CCDC178: variants seen among roughly 807,000 people sequenced by gnomAD.
CCDC178 encodes coiled-coil domain-containing protein 178.
CCDC178 carries 126 observed loss-of-function variants against 117.4 expected under a neutral mutation model. That is an observed-to-expected ratio of 1.07 (90% CI 0.93 to 1.24). CCDC178 has a LOEUF of 1.24. Among genes scored for constraint, CCDC178 ranks in the 50% most tolerant of loss-of-function variants. The pLI is 0.00. For missense variants in CCDC178, 1,030 were observed against 986.9 expected (o/e 1.04, Z -0.59); for synonymous variants, 283 against 313.4 (o/e 0.90, Z 1.02).
chr18:33,293,031 C>G, intron 12 of CCDC178, 128 bp downstream of exon 12: 2 of 590,672 alleles, frequency 3.4e-6, no homozygotes, highest in Non-Finnish European at 2.9e-6. Context: ...CAATAGAAAA[C>G]TAATACAGGC....
chr18:33,407,581 A>G (rs931436031), intron 3 of CCDC178, among the ~76,000 whole-genome samples: 2 of 152,090 alleles, frequency 1.3e-5, no homozygotes, highest in African/African-American at 4.8e-5. Context: ...AAGAAACAAA[A>G]ACAGTATTAT....
At chr18:32,978,203 A>ATTTTTTTT (rs34863142) in intron 21 of CCDC178, among the ~76,000 whole-genome samples, 6 of 90,022 alleles carry the variant, frequency 6.7e-5, no homozygotes, top group Admixed American at 3.2e-4. Flanking sequence ...CTCAAAAAAG[A>ATTTTTTTT]TTTTTTTTTT....
At chr18:33,288,976 T>C (rs2060134431) in intron 12 of CCDC178, among the ~76,000 whole-genome samples, 1 of 152,168 alleles carries the variant, frequency 6.6e-6, no homozygotes, top group Non-Finnish European at 1.5e-5. Context: ...AGGGCAAATG[T>C]AGAGAAACTC....
intron 21 of CCDC178, among the ~76,000 whole-genome samples, chr18:32,996,693 G>A (rs112572176): frequency 1.8e-3 from 279 of 152,004 alleles, no homozygotes; most frequent in African/African-American, 6.6e-3. Context: ...ATTTTTAATT[G>A]ATTCTGGTAT....
chr18:33,130,683 G>A (rs1479406102), intron 20 of CCDC178, among the ~76,000 whole-genome samples: 1 of 151,966 alleles, frequency 6.6e-6, no homozygotes, highest in East Asian at 1.9e-4. Context: ...TAATTACCAT[G>A]GCTGAGATTA....
chr18:33,034,245 T>C (rs558504419), intron 21 of CCDC178, among the ~76,000 whole-genome samples: 63 of 151,996 alleles, frequency 4.1e-4, no homozygotes, highest in Non-Finnish European at 5.7e-4. Flanking sequence ...TCATTATTTC[T>C]TGTCTGGGAA....
At chr18:33,275,906 A>G (rs1359953730) in intron 12 of CCDC178, among the ~76,000 whole-genome samples, 1 of 151,942 alleles carries the variant, frequency 6.6e-6, no homozygotes, top group African/African-American at 2.4e-5. Flanking sequence ...TGTTTAAAAG[A>G]GTGCATTAGA....
At chr18:33,260,262 T>C (rs2059727335) in intron 14 of CCDC178, among the ~76,000 whole-genome samples, 1 of 152,138 alleles carries the variant, frequency 6.6e-6, no homozygotes, top group African/African-American at 2.4e-5. Flanking sequence ...AGCTGAAATC[T>C]GTTTATTCTC....
chr18:33,061,042 C>T (rs780543888), intron 21 of CCDC178, among the ~76,000 whole-genome samples: 16 of 151,938 alleles, frequency 1.1e-4, no homozygotes, highest in Non-Finnish European at 2.2e-4. Flanking sequence ...AAAATTTGCA[C>T]AATTATTTAG....
intron 21 of CCDC178, among the ~76,000 whole-genome samples, chr18:33,008,906 C>T (rs2055804694): frequency 6.6e-6 from 1 of 152,082 alleles, no homozygotes; most frequent in African/African-American, 2.4e-5. Flanking sequence ...GACATCTTCA[C>T]CTGAATGTCT....
intron 22 of CCDC178, among the ~76,000 whole-genome samples, chr18:32,946,436 C>T (rs1466379419): frequency 6.6e-6 from 1 of 152,032 alleles, no homozygotes; most frequent in African/African-American, 2.4e-5. Context: ...AATATTTAGA[C>T]CTAAAAGTAT....
At chr18:33,167,764 G>A (rs1162854095) in intron 20 of CCDC178, among the ~76,000 whole-genome samples, 2 of 152,058 alleles carry the variant, frequency 1.3e-5, no homozygotes, top group African/African-American at 4.8e-5. Context: ...CTACTTGAGA[G>A]GCTGAGAGAG....
At chr18:33,333,098 T>G in intron 10 of CCDC178, 76 bp downstream of exon 10, 1 of 830,886 alleles carries the variant, frequency 1.2e-6, no homozygotes, top group African/African-American at 1.7e-5. Flanking sequence ...TAAAGCTGTG[T>G]TAATTTCTTA....
Position 33,060,637 on chromosome 18 carries a change from T to A in CCDC178, c.2388+32124A>T, listed in dbSNP as rs937844240. Among the ~76,000 whole-genome samples the A allele has an allele frequency of 2.6e-5, 4 of 152,218 alleles. No homozygotes were observed. In the South Asian group the frequency reaches 8.3e-4, roughly 32 times the overall value. ...TTGTAACTTTCCCGCTATTGGTGAA[T>A]ACAGTGAATCTGATGCTTAAGACAA... On this transcript the variant is annotated intron_variant, in intron 21 of 22. Coordinates refer to ENST00000383096, the MANE Select transcript of CCDC178 (RefSeq NM_001105528.4).
At chr18:33,114,973 A>G (rs1424124556) in intron 20 of CCDC178, among the ~76,000 whole-genome samples, 1 of 152,046 alleles carries the variant, frequency 6.6e-6, no homozygotes, top group Non-Finnish European at 1.5e-5. Flanking sequence ...GTTGGATTGC[A>G]TGGTTCTGGG....
intron 21 of CCDC178, among the ~76,000 whole-genome samples, chr18:33,091,702 G>C (rs1444573253): frequency 6.6e-6 from 1 of 152,108 alleles, no homozygotes; most frequent in Non-Finnish European, 1.5e-5. Context: ...TAACTCTCAT[G>C]AGAGTAGACG....
chr18:33,157,873 A>C (rs896991181), intron 20 of CCDC178, among the ~76,000 whole-genome samples: 1 of 152,150 alleles, frequency 6.6e-6, no homozygotes, highest in Non-Finnish European at 1.5e-5. Flanking sequence ...TGAGGCTAAC[A>C]CTTGTCATGC....
intron 16 of CCDC178, among the ~76,000 whole-genome samples, chr18:33,226,219 G>GT (rs971309206): frequency 7.3e-5 from 11 of 151,688 alleles, no homozygotes; most frequent in African/African-American, 1.7e-4. Context: ...TTTGACTCTT[G>GT]TTTTTTTTCT....
intron 22 of CCDC178, among the ~76,000 whole-genome samples, chr18:32,939,657 G>T (rs569798318): frequency 2.0e-5 from 3 of 152,062 alleles, no homozygotes; most frequent in Non-Finnish European, 4.4e-5. Context: ...CTTGATCCTT[G>T]AAGTAAAAGA....
Sources: allele counts gnomAD v4.1 joint callset (sites outside exome capture counted in the v4.1 genomes callset), GRCh38; gene constraint gnomAD v4.1.1; transcripts MANE v1.5; gene names NCBI Gene and HGNC (gene_info 2026-07-23, HGNC 2026-07-21).